DOCK1: variants seen among roughly 807,000 people sequenced by gnomAD.
DOCK1 encodes the protein dedicator of cytokinesis protein 1.
Under a neutral mutation model 262.7 loss-of-function variants are expected in DOCK1, and 138 were observed. That is an observed-to-expected ratio of 0.53 (90% CI 0.46 to 0.61). The LOEUF is 0.61. Among genes scored for constraint, DOCK1 ranks in the 20% least tolerant of loss-of-function variants. DOCK1 has a pLI of 0.00. For missense variants in DOCK1, 1,908 were observed against 2,370.7 expected (o/e 0.80, Z 4.05); for synonymous variants, 866 against 867.4 (o/e 1.00, Z 0.03).
intron 23 of DOCK1, among the ~76,000 whole-genome samples, chr10:127,101,910 T>C (rs1343264520): frequency 6.6e-6 from 1 of 152,090 alleles, no homozygotes; most frequent in Admixed American, 6.5e-5. Context: ...GAACGCTGGC[T>C]ATTAAATGTC....
At chr10:127,311,328 G>C (rs919090497) in intron 29 of DOCK1, among the ~76,000 whole-genome samples, 6 of 152,052 alleles carry the variant, frequency 3.9e-5, no homozygotes, top group Non-Finnish European at 8.8e-5. Context: ...CTGTAGAAGG[G>C]ACCTGCAGAA....
intron 23 of DOCK1, among the ~76,000 whole-genome samples, chr10:127,072,108 C>G (rs1332196084): frequency 6.6e-6 from 1 of 152,200 alleles, no homozygotes; most frequent in African/African-American, 2.4e-5. Flanking sequence ...TGCCTGCTGC[C>G]AACATGCAAG....
chr10:127,070,468 G>A (rs930540396), intron 23 of DOCK1, among the ~76,000 whole-genome samples: 1 of 151,838 alleles, frequency 6.6e-6, no homozygotes, highest in African/African-American at 2.4e-5. Context: ...TTGCCAGGCC[G>A]GTCTCGAACT....
At chr10:127,021,041 C>T (rs2042385965) in intron 13 of DOCK1, among the ~76,000 whole-genome samples, 1 of 152,172 alleles carries the variant, frequency 6.6e-6, no homozygotes, top group Non-Finnish European at 1.5e-5. Context: ...GTTCCTTCTT[C>T]CCCAGAATGT....
At chr10:127,064,741 A>G (rs1007411718) in intron 23 of DOCK1, among the ~76,000 whole-genome samples, 1 of 152,232 alleles carries the variant, frequency 6.6e-6, no homozygotes, top group Non-Finnish European at 1.5e-5. Flanking sequence ...TTTTGAAAAC[A>G]TACTGCCGTG....
chr10:127,177,977 A>G (rs2055339000), intron 27 of DOCK1, among the ~76,000 whole-genome samples: 1 of 152,334 alleles, frequency 6.6e-6, no homozygotes, highest in South Asian at 2.1e-4. Context: ...CGCTGAATCC[A>G]TGCTGTTCTC....
intron 13 of DOCK1, among the ~76,000 whole-genome samples, chr10:127,020,416 C>T (rs1203975100): frequency 6.6e-6 from 1 of 151,760 alleles, no homozygotes; most frequent in Non-Finnish European, 1.5e-5. Flanking sequence ...CTAGGCCCGG[C>T]GTGGTGGTGA....
chr10:127,178,317 T>C (rs1301568374), intron 27 of DOCK1, among the ~76,000 whole-genome samples: 2 of 152,216 alleles, frequency 1.3e-5, no homozygotes, highest in African/African-American at 4.8e-5. Flanking sequence ...TCTGCAGCAT[T>C]TGATTTAGGT....
At chr10:127,125,329 A>G (rs1592121685) in intron 25 of DOCK1, 145 bp from the exon 26 acceptor site, 1 of 1,050,932 alleles carries the variant, frequency 9.5e-7, no homozygotes, top group East Asian at 2.6e-5. Flanking sequence ...TCTCACAGTC[A>G]AGTAATTGAC....
At chr10:127,345,101 T>C (rs571921852) in intron 31 of DOCK1, among the ~76,000 whole-genome samples, 78 of 152,292 alleles carry the variant, frequency 5.1e-4, no homozygotes, top group Admixed American at 1.3e-3. Flanking sequence ...TAGTAGGCTG[T>C]AGTATCTCAG....
intron 13 of DOCK1, 167 bp downstream of exon 13, chr10:127,019,002 G>A (rs774030545): frequency 9.4e-5 from 100 of 1,060,840 alleles, no homozygotes; most frequent in East Asian, 5.3e-5. Context: ...GGCTGTGACC[G>A]GAGTGGTAGA....
At chr10:127,205,396 G>A (rs543499059) in intron 27 of DOCK1, among the ~76,000 whole-genome samples, 18 of 152,310 alleles carry the variant, frequency 1.2e-4, no homozygotes, top group African/African-American at 3.6e-4. Context: ...GGATTTCCAC[G>A]TTCCATCTCT....
intron 10 of DOCK1, among the ~76,000 whole-genome samples, chr10:127,004,945 C>T (rs2040902504): frequency 1.3e-5 from 2 of 152,180 alleles, no homozygotes; most frequent in Non-Finnish European, 2.9e-5. Context: ...CCGCTTATCA[C>T]ATGGTGGCAT....
At chr10:127,204,258 C>T (rs542950534) in intron 27 of DOCK1, among the ~76,000 whole-genome samples, 6 of 152,188 alleles carry the variant, frequency 3.9e-5, no homozygotes, top group Non-Finnish European at 5.9e-5. Context: ...TCCGTGGATT[C>T]GAGAAAGAAA....
chr10:127,147,474 T>TA (rs1240157287), intron 27 of DOCK1, among the ~76,000 whole-genome samples: 3 of 152,150 alleles, frequency 2.0e-5, no homozygotes, highest in Non-Finnish European at 4.4e-5. Flanking sequence ...GCCTGCCTTT[T>TA]ACGTCCTTGC....
At chr10:127,327,388 T>A (rs890931412) in intron 29 of DOCK1, among the ~76,000 whole-genome samples, 15 of 152,166 alleles carry the variant, frequency 9.9e-5, no homozygotes, top group African/African-American at 3.1e-4. Flanking sequence ...CCTTGCACTT[T>A]TATGTTATGG....
chr10:127,080,848 C>G (rs1052957864), intron 23 of DOCK1, among the ~76,000 whole-genome samples: 7 of 152,162 alleles, frequency 4.6e-5, no homozygotes, highest in Non-Finnish European at 1.0e-4. Flanking sequence ...GAGTTAGCCA[C>G]CCTGCAATTT....
chr10:127,085,158 T>C (rs1373453263), intron 23 of DOCK1, among the ~76,000 whole-genome samples: 2 of 152,200 alleles, frequency 1.3e-5, no homozygotes, highest in East Asian at 3.9e-4. Context: ...TTCTTCATTA[T>C]GTGGCTTCCT....
chr10:127,360,659 TA>T (rs1421778681), intron 32 of DOCK1, among the ~76,000 whole-genome samples: 5 of 152,142 alleles, frequency 3.3e-5, no homozygotes, highest in African/African-American at 9.7e-5. Context: ...ATTTTGCAAT[TA>T]GGGGGGACAA....
Sources: allele counts gnomAD v4.1 joint callset (sites outside exome capture counted in the v4.1 genomes callset), GRCh38; gene constraint gnomAD v4.1.1; transcripts MANE v1.5; gene names NCBI Gene and HGNC (gene_info 2026-07-23, HGNC 2026-07-21).